Variants in ALK observed in about 807,000 individuals in gnomAD.
ALK encodes ALK tyrosine kinase receptor.
In ALK, 74 loss-of-function variants were observed where a neutral mutation model predicts 163.1. That is an observed-to-expected ratio of 0.45 (90% CI 0.38 to 0.55). The LOEUF is 0.55. Among genes scored for constraint, ALK ranks in the 20% least tolerant of loss-of-function variants. The probability of loss-of-function intolerance (pLI) is 0.00; values close to 1 mark genes in which losing one functional copy is unlikely to be tolerated. For missense variants in ALK, 2,063 were observed against 2,105.3 expected, an observed-to-expected ratio of 0.98 and a Z score of 0.39; for synonymous variants, 960 against 843.2, an observed-to-expected ratio of 1.14 and a Z score of -2.40.
At chr2:29,373,634 A>T (rs1446201432) in intron 5 of ALK, among the ~76,000 whole-genome samples, 4 of 152,240 alleles carry the variant, frequency 2.6e-5, no homozygotes, top group East Asian at 3.8e-4. Context: ...GCATTTTAAA[A>T]TTGGCTTTAT....
chr2:29,781,775 C>T (rs1681337015), intron 1 of ALK, among the ~76,000 whole-genome samples: 2 of 152,148 alleles, frequency 1.3e-5, no homozygotes, highest in Non-Finnish European at 2.9e-5. Flanking sequence ...TTTCTCTAGC[C>T]AAATTCTCCA....
At chr2:29,283,745 T>C (rs1440841380) in intron 9 of ALK, among the ~76,000 whole-genome samples, 2 of 152,124 alleles carry the variant, frequency 1.3e-5, no homozygotes, top group Non-Finnish European at 2.9e-5. Flanking sequence ...CCCCCAACAA[T>C]GGAACCCTTT....
chr2:29,333,148 C>T (rs540818879), intron 5 of ALK, among the ~76,000 whole-genome samples: 1 of 152,256 alleles, frequency 6.6e-6, no homozygotes, highest in African/African-American at 2.4e-5. Flanking sequence ...CAGAGTCTCA[C>T]TCTGTGGCCT....
intron 1 of ALK, among the ~76,000 whole-genome samples, chr2:29,910,695 GAGCAAC>G (rs1469613362): frequency 1.3e-5 from 2 of 152,240 alleles, no homozygotes; most frequent in African/African-American, 4.8e-5. Context: ...TGTAACAATG[GAGCAAC>G]AGCATTAAAG....
intron 12 of ALK, among the ~76,000 whole-genome samples, chr2:29,250,212 G>A (rs186809417): frequency 6.6e-6 from 1 of 152,288 alleles, no homozygotes; most frequent in East Asian, 1.9e-4. Context: ...GCCACGGGAG[G>A]CCCTGCCCCA....
At chr2:29,675,603 G>T (rs1244161712) in intron 3 of ALK, among the ~76,000 whole-genome samples, 1 of 151,670 alleles carries the variant, frequency 6.6e-6, no homozygotes, top group Non-Finnish European at 1.5e-5. Context: ...AATCACCTGT[G>T]AATTTTTTTT....
rs569725646 is a variant in ALK at position 29,592,313 on chromosome 2, C to G, written c.953-60197G>C. On this transcript the variant is annotated intron_variant, in intron 3 of 28. Transcript: ENST00000389048. Reference sequence around the variant, plus strand: ...CATTGCCACTCCGAGGAGCTGGTCACAAAGCCCTGTGTGCTCTGGGGTCCA... The same window carrying G: ...CATTGCCACTCCGAGGAGCTGGTCAGAAAGCCCTGTGTGCTCTGGGGTCCA... 5.3e-5 allele frequency among the ~76,000 whole-genome samples: 8 copies of G among 152,312 alleles called. No homozygotes were observed. In the East Asian group the frequency reaches 1.5e-3, roughly 29 times the overall value.
chr2:29,432,786 C>G (rs1038522476), intron 4 of ALK, among the ~76,000 whole-genome samples: 2 of 145,200 alleles, frequency 1.4e-5, no homozygotes, highest in South Asian at 4.3e-4. Context: ...ATCAATTGAT[C>G]TGGAGTGATT....
At chr2:29,565,473 A>G (rs1385866801) in intron 3 of ALK, among the ~76,000 whole-genome samples, 1 of 152,230 alleles carries the variant, frequency 6.6e-6, no homozygotes, top group Non-Finnish European at 1.5e-5. Context: ...GGAGTGCTAG[A>G]AACCAGGTAT....
At position 29,232,391 on chromosome 2, in the gene ALK, A is replaced by G. The variant is rs1664238979; in HGVS notation, c.2545T>C (p.Tyr849His). Residue 849 changes from tyrosine to histidine, a missense_variant, in exon 15 of 29, where the codon TAC (tyrosine) becomes CAC (histidine). Physicochemically the swap from Tyr to His is moderately conservative, Grantham distance 83. This residue lies in a region of ALK where 575 missense variants were observed against 626.6 expected (regional missense o/e 0.92). Transcript: ENST00000389048. ...TGGAACGTGTCTGTCTTGGCCCCGT[A>G]GGCCCTGCCACCACCTCCGGCTGCA... ...IIAAGGGGRAYGAKTDTFHPE... is the reference protein window; with the variant it reads ...IIAAGGGGRAHGAKTDTFHPE... 1 of 1,614,140 alleles carries G rather than the reference A, an allele frequency of 6.2e-7. No individual in the cohort carries two copies. The highest frequency in any genetic ancestry group is 1.7e-5 in the Admixed American group (1 of 60,014).
At chr2:29,462,133 A>G (rs1671098902) in intron 4 of ALK, among the ~76,000 whole-genome samples, 1 of 152,176 alleles carries the variant, frequency 6.6e-6, no homozygotes, top group Admixed American at 6.5e-5. Flanking sequence ...ATTTGAATGG[A>G]AGAGGAGTTG....
At chr2:29,327,319 G>C (rs1260517802) in intron 6 of ALK, among the ~76,000 whole-genome samples, 2 of 152,154 alleles carry the variant, frequency 1.3e-5, no homozygotes, top group Non-Finnish European at 2.9e-5. Flanking sequence ...AATCATGAGA[G>C]GTATTGCTAT....
At chr2:29,897,749 A>T (rs1558538924) in intron 1 of ALK, among the ~76,000 whole-genome samples, 1 of 152,144 alleles carries the variant, frequency 6.6e-6, no homozygotes, top group Non-Finnish European at 1.5e-5. Flanking sequence ...CTTTCTCTCA[A>T]GGAAGAGCCC....
intron 2 of ALK, among the ~76,000 whole-genome samples, chr2:29,715,671 G>A (rs1021271318): frequency 1.3e-5 from 2 of 152,320 alleles, no homozygotes; most frequent in South Asian, 4.1e-4. Flanking sequence ...TTGTCCTTCT[G>A]TAGAGATACT....
chr2:29,542,277 T>G (rs1009602363), intron 3 of ALK, among the ~76,000 whole-genome samples: 4 of 152,194 alleles, frequency 2.6e-5, no homozygotes, highest in Admixed American at 2.6e-4. Flanking sequence ...TTTATATCTG[T>G]CTTCTTTACC....
intron 3 of ALK, among the ~76,000 whole-genome samples, chr2:29,598,204 T>C (rs1675269989): frequency 6.6e-6 from 1 of 152,170 alleles, no homozygotes; most frequent in Non-Finnish European, 1.5e-5. Context: ...TTTTGTATTT[T>C]TAGTAGAGAC....
intron 3 of ALK, among the ~76,000 whole-genome samples, chr2:29,657,879 A>C (rs1677232932): frequency 6.6e-6 from 1 of 152,140 alleles, no homozygotes; most frequent in Non-Finnish European, 1.5e-5. Context: ...TAGGGAAAGA[A>C]AAAACAAACC....
intron 4 of ALK, among the ~76,000 whole-genome samples, chr2:29,387,214 C>G (rs1438939032): frequency 6.6e-6 from 1 of 152,166 alleles, no homozygotes; most frequent in Admixed American, 6.5e-5. Flanking sequence ...CTGGAGCTCT[C>G]CGGTTCCAGT....
At chr2:29,225,866 A>G (rs971660180) in intron 18 of ALK, among the ~76,000 whole-genome samples, 4 of 152,106 alleles carry the variant, frequency 2.6e-5, no homozygotes, top group African/African-American at 4.8e-5. Context: ...AGGTGAAACG[A>G]AAGTGGATCT....
Sources: allele counts gnomAD v4.1 joint callset (sites outside exome capture counted in the v4.1 genomes callset), GRCh38; gene constraint gnomAD v4.1.1; regional missense constraint gnomAD v4.1.1; transcripts MANE v1.5; gene names NCBI Gene and HGNC (gene_info 2026-07-23, HGNC 2026-07-21).